The following PWWP3B variants were observed in gnomAD, a reference collection of about 807,000 sequenced individuals.
PWWP3B encodes PWWP domain-containing DNA repair factor 3B.
PWWP3B carries 5 observed loss-of-function variants against 15.7 expected under a neutral mutation model. That is an observed-to-expected ratio of 0.32 (90% CI 0.17 to 0.67). PWWP3B has a LOEUF of 0.67. Ranked by LOEUF, PWWP3B falls within the 30% of genes least tolerant of loss-of-function variation. The pLI is 0.74. For missense variants in PWWP3B, 519 were observed against 493.1 expected, an observed-to-expected ratio of 1.05 and a Z score of -0.50; for synonymous variants, 203 against 179.8, an observed-to-expected ratio of 1.13 and a Z score of -1.03.
At chrX:106,182,159 A>G (rs750199899) in intron 2 of PWWP3B, among the ~76,000 whole-genome samples, 1 of 112,033 alleles carries the variant, frequency 8.9e-6, no homozygotes, top group African/African-American at 3.2e-5. Context: ...GCTGCCAAAG[A>G]GTCTATTTGG....
chrX:106,193,888 A>G (rs1220185586), intron 2 of PWWP3B, among the ~76,000 whole-genome samples: 5 of 112,215 alleles, frequency 4.5e-5, no homozygotes, highest in African/African-American at 1.6e-4. Flanking sequence ...TCTGGCTTGT[A>G]GAGTTTCTGC....
intron 1 of PWWP3B, among the ~76,000 whole-genome samples, chrX:106,169,244 C>T (rs766206659): frequency 9.0e-6 from 1 of 110,962 alleles, no homozygotes; most frequent in East Asian, 2.8e-4. Flanking sequence ...CCCAAAATAG[C>T]GTAAACTCAT....
At chrX:106,173,662 T>C in intron 2 of PWWP3B, among the ~76,000 whole-genome samples, 1 of 112,223 alleles carries the variant, frequency 8.9e-6, no homozygotes, top group East Asian at 2.8e-4. Context: ...CCCAGATAAA[T>C]AGAATGAGGC....
chrX:106,190,718 A>T (rs1285183876), intron 2 of PWWP3B, among the ~76,000 whole-genome samples: 3 of 111,729 alleles, frequency 2.7e-5, no homozygotes, highest in East Asian at 2.8e-4. Flanking sequence ...AATTAATTTT[A>T]GTATAAGGTG....
In PWWP3B at chrX:106,208,501, G is replaced by A. The variant is rs1924175322; in HGVS notation, c.*978G>A. 1.6e-5 allele frequency: 2 copies of A among 123,945 alleles called. No individual in the cohort carries two copies. The highest frequency in any genetic ancestry group is 6.5e-5 in the African/African-American group (2 of 30,980). 10.2% of individuals were successfully genotyped at this position (123,945 alleles called of 1,213,427 possible). A position where few individuals can be genotyped will look rare whatever the true frequency, so the allele number is the denominator to read the frequency against. On this transcript the variant is annotated 3_prime_UTR_variant, in exon 4 of 4. Coordinates refer to ENST00000357175, the MANE Select transcript of PWWP3B (RefSeq NM_001171020.2). ...GTCTTTTATCTCCAAATACATAGTTGTCTCAAACCAAGCAAGCTTTATCAA... is the reference window on the plus strand; with the variant it reads ...GTCTTTTATCTCCAAATACATAGTTATCTCAAACCAAGCAAGCTTTATCAA...
intron 2 of PWWP3B, among the ~76,000 whole-genome samples, chrX:106,191,728 T>A (rs1922979920): frequency 9.0e-6 from 1 of 111,375 alleles, no homozygotes; most frequent in Non-Finnish European, 1.9e-5. Flanking sequence ...AGTACCTAAT[T>A]TATTGAGAGT....
chrX:106,191,449 A>T (rs1298516114), intron 2 of PWWP3B, among the ~76,000 whole-genome samples: 3 of 111,462 alleles, frequency 2.7e-5, no homozygotes, highest in Middle Eastern at 4.2e-3. Context: ...GGCTGAGACG[A>T]TGGGGTTTTC....
rs751623544 is a variant in PWWP3B at position 106,205,513 on chromosome X, A to G, written c.81A>G (p.Ser27=). ...AKVLSRSETS[S]NSKRKKAFSL... ...TTTTGTCCAGATCTGAAACTTCATC[A>G]AACAGTAAGAGGAAAAAGGCATTTT... Residue 27 remains serine (S), a synonymous_variant, in exon 4 of 4, where the codon TCA becomes TCG. Transcript: ENST00000357175. 3 of 1,200,201 alleles carry G rather than the reference A, an allele frequency of 2.5e-6. No individual in the cohort carries two copies. Among genetic ancestry groups the G allele is most frequent in the East Asian group, 3.0e-5 (1 of 33,650 alleles).
chrX:106,174,143 T>G (rs1921766062), intron 2 of PWWP3B, among the ~76,000 whole-genome samples: 1 of 111,912 alleles, frequency 8.9e-6, no homozygotes, highest in Non-Finnish European at 1.9e-5. Flanking sequence ...ATGGCTTCTT[T>G]CTTTAGAGTC....
intron 2 of PWWP3B, among the ~76,000 whole-genome samples, chrX:106,177,777 G>A (rs1921976974): frequency 8.0e-5 from 9 of 112,079 alleles, no homozygotes; most frequent in Admixed American, 7.5e-4. Flanking sequence ...ACATGAACAT[G>A]GAAAGGGATT....
intron 1 of PWWP3B, among the ~76,000 whole-genome samples, chrX:106,169,953 A>G (rs1172286906): frequency 9.0e-6 from 1 of 111,408 alleles, no homozygotes; most frequent in East Asian, 2.8e-4. Flanking sequence ...TCTGGAAATA[A>G]TACATGCCAC....
Position 106,207,615 on chromosome X carries a change from C to A in PWWP3B, c.*92C>A. The A allele has an allele frequency of 1.1e-6, 1 of 872,654 alleles. No homozygotes were observed. The highest frequency in any genetic ancestry group is 1.5e-6 in the Non-Finnish European group (1 of 650,217). The allele number at this position is 872,654 out of a possible 1,213,427, so 71.9% of individuals were successfully genotyped here. A position where few individuals can be genotyped will look rare whatever the true frequency, so the allele number is the denominator to read the frequency against. ...AATTCTCTCTAATACATATTTTCTG[C>A]AAATGGGAGCATGGATAATGTGTTC... is the stretch of plus-strand genomic sequence containing the variant. On this transcript the variant is annotated 3_prime_UTR_variant, in exon 4 of 4. Transcript: ENST00000357175.
chrX:106,180,227 A>G (rs1369382840), intron 2 of PWWP3B, among the ~76,000 whole-genome samples: 1 of 111,310 alleles, frequency 9.0e-6, no homozygotes, highest in East Asian at 2.8e-4. Context: ...TGTCCCCAAC[A>G]TATTCCCCAG....
intron 2 of PWWP3B, among the ~76,000 whole-genome samples, chrX:106,171,781 G>A (rs745867747): frequency 1.4e-4 from 15 of 110,105 alleles, no homozygotes; most frequent in Non-Finnish European, 2.8e-4. Context: ...ACTATAAGCA[G>A]TTGCAACACA....
intron 2 of PWWP3B, among the ~76,000 whole-genome samples, chrX:106,199,381 A>G (rs1410446390): frequency 8.9e-6 from 1 of 111,830 alleles, no homozygotes; most frequent in Non-Finnish European, 1.9e-5. Flanking sequence ...GTATAAGATC[A>G]ACTATTTTGT....
intron 2 of PWWP3B, among the ~76,000 whole-genome samples, chrX:106,185,111 C>G (rs1922431332): frequency 8.9e-6 from 1 of 111,796 alleles, no homozygotes; most frequent in Non-Finnish European, 1.9e-5. Context: ...CAGAAAAGGT[C>G]AAGCTGCAGG....
At position 106,206,922 on chromosome X, in the gene PWWP3B, T is replaced by C; in HGVS notation, c.1490T>C (p.Ile497Thr). Residue 497 changes from isoleucine (I) to threonine (T), a missense_variant, in exon 4 of 4, where the codon ATT becomes ACT. Ile to Thr is a moderately conservative substitution (Grantham distance 89). Coordinates refer to ENST00000357175, the MANE Select transcript of PWWP3B (RefSeq NM_001171020.2). ...TTGCTTGAGTATTATGCTGCTGATA[T>C]TAGTTACCCAGTTAGGAAAGAAACA... is the stretch of plus-strand genomic sequence containing the variant. ...GSLLEYYAAD[I>T]SYPVRKETKQ... is the part of the protein sequence containing the mutation. 8.3e-7 allele frequency: 1 copy of C among 1,211,240 alleles called. No individual in the cohort carries two copies. Among genetic ancestry groups the C allele is most frequent in the Non-Finnish European group, 1.1e-6 (1 of 895,329 alleles).
chrX:106,204,935 A>G (rs1027876281), intron 3 of PWWP3B, among the ~76,000 whole-genome samples: 2 of 111,249 alleles, frequency 1.8e-5, no homozygotes, highest in Non-Finnish European at 3.8e-5. Context: ...CTGACATCCC[A>G]TCACAAGCTC....
chrX:106,193,942 A>AC (rs1240053945), intron 2 of PWWP3B, among the ~76,000 whole-genome samples: 31 of 111,370 alleles, frequency 2.8e-4, no homozygotes, highest in Non-Finnish European at 9.4e-5. Context: ...TTTGTGGGTA[A>AC]CCTCACCTTT....
Sources: gnomAD v4.1 joint callset for allele counts (sites outside exome capture counted in the v4.1 genomes callset) on GRCh38, gnomAD v4.1.1 for gene constraint, MANE v1.5 for transcripts, NCBI Gene and HGNC (gene_info 2026-07-23, HGNC 2026-07-21) for gene names.